PTPN4: variants seen among roughly 807,000 people sequenced by gnomAD.
PTPN4 encodes the protein tyrosine-protein phosphatase non-receptor type 4.
PTPN4 carries 49 observed loss-of-function variants against 135.5 expected under a neutral mutation model. That is an observed-to-expected ratio of 0.36 (90% CI 0.29 to 0.46). The LOEUF (loss-of-function observed/expected upper bound fraction) is 0.46, where lower values mean the gene tolerates loss of function less well. Ranked by LOEUF, PTPN4 falls within the 20% of genes least tolerant of loss-of-function variation. The pLI, the probability that PTPN4 is intolerant of heterozygous loss-of-function variation, is 1.00. For synonymous variants in PTPN4, 333 were observed against 369.9 expected, an observed-to-expected ratio of 0.90 and a Z score of 1.14; for missense variants, 860 against 1,101.0, an observed-to-expected ratio of 0.78 and a Z score of 3.10.
In PTPN4 at chr2:119,983,532, A is replaced by C. The variant is rs1046464208; in HGVS notation, c.*6462A>C. 1 of 152,202 alleles carries C rather than the reference A, an allele frequency of 6.6e-6. No homozygotes were observed. Among genetic ancestry groups the C allele is most frequent in the Non-Finnish European group, 1.5e-5 (1 of 68,030 alleles). The allele number at this position is 152,202 out of a possible 1,614,324, so 9.4% of individuals were successfully genotyped here. A position where few individuals can be genotyped will look rare whatever the true frequency, so the allele number is the denominator to read the frequency against. On this transcript the variant is annotated 3_prime_UTR_variant, in exon 27 of 27. Transcript: ENST00000263708. ...TAATGAGTTGGCAAGATTAGGTCAAATTTCAATGCTAAATTTGATTTTTTG... is the reference window on the plus strand; with the variant it reads ...TAATGAGTTGGCAAGATTAGGTCAACTTTCAATGCTAAATTTGATTTTTTG...
chr2:119,878,835 T>C (rs986362279), intron 5 of PTPN4, among the ~76,000 whole-genome samples: 19 of 152,068 alleles, frequency 1.2e-4, no homozygotes, highest in African/African-American at 4.6e-4. Flanking sequence ...GGCTCACGCC[T>C]GTAATCCCAG....
chr2:119,920,044 C>A lies in PTPN4; in HGVS notation c.829-25C>A, dbSNP rs200488991. 5.1e-6 allele frequency: 8 copies of A among 1,580,296 alleles called. No homozygotes were observed. The Admixed American group carries it at 1.1e-4, about 22-fold the overall frequency. On this transcript the variant is annotated intron_variant, in intron 11 of 26. Coordinates refer to ENST00000263708, the MANE Select transcript of PTPN4 (RefSeq NM_002830.4). The stretch of plus-strand genomic sequence containing the variant: ...TAGATCCTGACATTTTCCTGGTATT[C>A]TCTGCATTTTGTCATTTATTACAGC...
chr2:119,882,205 AG>A, intron 7 of PTPN4, 56 bp downstream of exon 7: 1 of 1,485,824 alleles, frequency 6.7e-7, no homozygotes, highest in South Asian at 1.2e-5. Flanking sequence ...TTGTGTTGCT[AG>A]TACATTGGCT....
chr2:119,780,444 CATGATTGGA>C lies in PTPN4; in HGVS notation c.-18+20061_-18+20069del, dbSNP rs1690915659. Among the ~76,000 whole-genome samples the C allele has an allele frequency of 2.0e-5, 3 of 152,308 alleles. No homozygotes were observed. The East Asian group carries it at 5.8e-4, about 29-fold the overall frequency. On this transcript the variant is annotated intron_variant, in intron 1 of 26. Coordinates refer to ENST00000263708, the MANE Select transcript of PTPN4 (RefSeq NM_002830.4). ...TTCTACCCTAACCCCCCGCCAAATC[CATGATTGGA>C]TCAAGAGCTACACATTGCAGTAGGT...
intron 10 of PTPN4, 44 bp downstream of exon 10, chr2:119,900,850 T>A: frequency 8.8e-7 from 1 of 1,131,526 alleles, no homozygotes; most frequent in Non-Finnish European, 1.3e-6. Context: ...ACTGTATTAC[T>A]AAATATAATA....
intron 12 of PTPN4, among the ~76,000 whole-genome samples, chr2:119,925,280 A>G (rs956687757): frequency 3.3e-5 from 5 of 152,202 alleles, no homozygotes; most frequent in East Asian, 1.9e-4. Flanking sequence ...GCAGAACCTA[A>G]GGCAAAATAA....
chr2:119,808,355 A>G (rs1295195561), intron 1 of PTPN4, among the ~76,000 whole-genome samples: 1 of 152,214 alleles, frequency 6.6e-6, no homozygotes, highest in Non-Finnish European at 1.5e-5. Context: ...AATCTCCTTA[A>G]GCTGATAAGC....
chr2:119,904,375 G>A (rs1253467503), intron 10 of PTPN4, among the ~76,000 whole-genome samples: 1 of 151,902 alleles, frequency 6.6e-6, no homozygotes, highest in Non-Finnish European at 1.5e-5. Flanking sequence ...TTTTTTAAAA[G>A]GCTAAAAAAG....
rs1297281417 is a variant in PTPN4 at position 119,945,152 on chromosome 2, A to G, written c.1427A>G (p.Asn476Ser). The G allele has an allele frequency of 2.5e-6, 4 of 1,602,654 alleles. No individual in the cohort carries two copies. The highest frequency in any genetic ancestry group is 3.4e-5 in the Admixed American group (2 of 58,122). The change falls in exon 16 of 27, where the codon AAC becomes AGC. Residue 476 changes from asparagine to serine, a missense_variant. By Grantham distance (46) the Asn-to-Ser change is conservative. Coordinates refer to ENST00000263708, the MANE Select transcript of PTPN4 (RefSeq NM_002830.4). The part of the protein sequence containing the change: ...PPKQSKKNSW[N>S]QIHYSHSQQD... ...AAACAGTCAAAGAAAAACAGTTGGAACCAAATTCATTATTCACATTCGCAA... is the reference window on the plus strand; with the variant it reads ...AAACAGTCAAAGAAAAACAGTTGGAGCCAAATTCATTATTCACATTCGCAA...
In PTPN4 at chr2:119,773,255, A is replaced by G. The variant is rs193108271; in HGVS notation, c.-18+12871A>G. The stretch of plus-strand genomic sequence containing the variant: ...GTTTTTGTATCTAGCATATTGGTGG[A>G]AAATGCTACAAGTTGAAAACGCACA... On this transcript the variant is annotated intron_variant, in intron 1 of 26. Coordinates refer to ENST00000263708, the MANE Select transcript of PTPN4 (RefSeq NM_002830.4). 7.0e-4 allele frequency among the ~76,000 whole-genome samples: 107 copies of G among 152,282 alleles called. 1 individual carries two copies. The highest frequency in any genetic ancestry group is 1.4e-3 in the Non-Finnish European group (93 of 68,018).
At chr2:119,939,357 G>A (rs924020276) in intron 15 of PTPN4, among the ~76,000 whole-genome samples, 2 of 152,168 alleles carry the variant, frequency 1.3e-5, no homozygotes, top group African/African-American at 2.4e-5. Flanking sequence ...CTGGAGTGCA[G>A]TGGTGTAATC....
At chr2:119,961,402 A>G (rs913885952) in intron 23 of PTPN4, among the ~76,000 whole-genome samples, 4 of 152,222 alleles carry the variant, frequency 2.6e-5, no homozygotes, top group African/African-American at 9.6e-5. Flanking sequence ...GCCAAAATAA[A>G]AAGGACGTAT....
chr2:119,950,495 T>C (rs928309984), intron 18 of PTPN4, among the ~76,000 whole-genome samples: 4 of 152,248 alleles, frequency 2.6e-5, no homozygotes, highest in Non-Finnish European at 1.5e-5. Flanking sequence ...TTCAGATGTC[T>C]AATTAATCAT....
At chr2:119,936,647 A>G (rs1678988316) in intron 15 of PTPN4, among the ~76,000 whole-genome samples, 1 of 152,194 alleles carries the variant, frequency 6.6e-6, no homozygotes, top group Non-Finnish European at 1.5e-5. Flanking sequence ...TTTTGTTTAT[A>G]AACTACCCAG....
At chr2:119,780,808 G>A (rs1165292396) in intron 1 of PTPN4, among the ~76,000 whole-genome samples, 1 of 152,114 alleles carries the variant, frequency 6.6e-6, no homozygotes, top group Non-Finnish European at 1.5e-5. Context: ...AATTTATGGG[G>A]TGATACTTTT....
intron 3 of PTPN4, among the ~76,000 whole-genome samples, chr2:119,875,515 A>G (rs546726170): frequency 3.3e-5 from 5 of 152,304 alleles, no homozygotes; most frequent in African/African-American, 1.2e-4. Flanking sequence ...AGATATGAAG[A>G]ACAAAAATCA....
intron 1 of PTPN4, among the ~76,000 whole-genome samples, chr2:119,792,217 T>A (rs1691162461): frequency 6.6e-6 from 1 of 152,250 alleles, no homozygotes; most frequent in Non-Finnish European, 1.5e-5. Flanking sequence ...TTCTTTTATA[T>A]TTGAGCTAGA....
At chr2:119,814,693 C>T (rs1434318814) in intron 2 of PTPN4, among the ~76,000 whole-genome samples, 1 of 152,058 alleles carries the variant, frequency 6.6e-6, no homozygotes, top group Non-Finnish European at 1.5e-5. Context: ...TTTAGTGTGC[C>T]TTGAGCAAAC....
At chr2:119,785,261 T>C (rs1285733595) in intron 1 of PTPN4, among the ~76,000 whole-genome samples, 2 of 152,206 alleles carry the variant, frequency 1.3e-5, no homozygotes, top group African/African-American at 4.8e-5. Context: ...GATATTGATA[T>C]GGACCAGCCA....
Sources: allele counts gnomAD v4.1 joint callset (sites outside exome capture counted in the v4.1 genomes callset), GRCh38; gene constraint gnomAD v4.1.1; transcripts MANE v1.5; gene names NCBI Gene and HGNC (gene_info 2026-07-23, HGNC 2026-07-21).